PHF8: variants seen among roughly 807,000 people sequenced by gnomAD.
The protein encoded by PHF8 is PHD finger protein 8.
PHF8 carries 9 observed loss-of-function variants against 74.4 expected under a neutral mutation model. The ratio of observed to expected loss-of-function variants is 0.12; its 90% CI spans 0.07 to 0.21. PHF8 has a LOEUF of 0.21. PHF8 is among the 10% of genes least tolerant of loss of function. The probability of loss-of-function intolerance (pLI) is 1.00; values close to 1 mark genes in which losing one functional copy is unlikely to be tolerated. For missense variants in PHF8, 478 were observed against 816.6 expected (o/e 0.59, Z 5.05); for synonymous variants, 311 against 316.6 (o/e 0.98, Z 0.19).
chrX:53,952,584 T>G (rs2064942275), intron 19 of PHF8, among the ~76,000 whole-genome samples: 1 of 111,458 alleles, frequency 9.0e-6, no homozygotes, highest in Non-Finnish European at 1.9e-5. Context: ...TGTGTAGTAC[T>G]GAAATTAAGT....
chrX:53,998,314 C>G (rs1197587404), intron 11 of PHF8, among the ~76,000 whole-genome samples: 1 of 109,666 alleles, frequency 9.1e-6, no homozygotes, highest in Non-Finnish European at 1.9e-5. Context: ...ATTAGCCAGG[C>G]GTGGTGGCAC....
intron 2 of PHF8, among the ~76,000 whole-genome samples, chrX:54,041,583 A>G (rs1173350226): frequency 1.8e-5 from 2 of 110,495 alleles, no homozygotes; most frequent in Non-Finnish European, 3.8e-5. Context: ...TTAATGAAAT[A>G]TTAGTTTTAT....
chrX:53,945,323 C>T (rs1362648731), intron 19 of PHF8, among the ~76,000 whole-genome samples: 8 of 100,023 alleles, frequency 8.0e-5, no homozygotes, highest in Non-Finnish European at 1.4e-4. Flanking sequence ...CCAGCCTGGG[C>T]GACACAGCAA....
At chrX:53,996,572 C>CT (rs1240607163) in intron 11 of PHF8, among the ~76,000 whole-genome samples, 3 of 110,972 alleles carry the variant, frequency 2.7e-5, no homozygotes, top group Non-Finnish European at 5.7e-5. Context: ...GAGACAGAGT[C>CT]TTACTCTGCC....
chrX:53,950,428 C>T (rs1177442015), intron 19 of PHF8, among the ~76,000 whole-genome samples: 1 of 112,802 alleles, frequency 8.9e-6, no homozygotes, highest in Admixed American at 9.4e-5. Flanking sequence ...GACAAGTTCT[C>T]ACGCATTTCT....
chrX:53,972,426 C>T (rs782052822), intron 18 of PHF8, among the ~76,000 whole-genome samples: 197 of 110,065 alleles, frequency 1.8e-3, no homozygotes, highest in African/African-American at 6.1e-3. Context: ...CTGAATCCAG[C>T]AGCACATCTA....
At chrX:53,984,311 A>T (rs1362342127) in intron 18 of PHF8, among the ~76,000 whole-genome samples, 1 of 112,000 alleles carries the variant, frequency 8.9e-6, no homozygotes, top group Non-Finnish European at 1.9e-5. Flanking sequence ...GGTGGCAGTG[A>T]GCTGAGATGG....
intron 2 of PHF8, among the ~76,000 whole-genome samples, chrX:54,031,626 CCT>C (rs782583280): frequency 1.4e-4 from 15 of 110,160 alleles, no homozygotes; most frequent in African/African-American, 3.9e-4. Context: ...TTTGTGATCC[CCT>C]CAGTCTCTGC....
intron 19 of PHF8, among the ~76,000 whole-genome samples, chrX:53,958,457 A>T (rs1178852812): frequency 9.2e-6 from 1 of 108,473 alleles, no homozygotes; most frequent in Non-Finnish European, 1.9e-5. Context: ...ATTTGCTTGT[A>T]TATGTGCAAA....
chrX:53,992,980 C>A, intron 13 of PHF8, 141 bp from the exon 14 acceptor site: 2 of 500,983 alleles, frequency 4.0e-6, no homozygotes, highest in Non-Finnish European at 7.2e-6. Context: ...TCCCCCCATA[C>A]CCCCACTGAT....
At chrX:53,944,496 G>A (rs2064801511) in intron 19 of PHF8, 1 of 363,516 alleles carries the variant, frequency 2.8e-6, no homozygotes, top group Non-Finnish European at 4.9e-6. Context: ...GGCTGGGCAT[G>A]ATGGTTCATG....
At chrX:54,011,490 T>A (rs2065980360) in intron 7 of PHF8, among the ~76,000 whole-genome samples, 1 of 112,483 alleles carries the variant, frequency 8.9e-6, no homozygotes, top group South Asian at 3.7e-4. Context: ...TAAGTTTCTA[T>A]AAACTTGACA....
chrX:53,940,263 C>A lies in PHF8; in HGVS notation c.2903G>T (p.Arg968Leu). Reference protein sequence around the residue: ...PNAFGMAQANRSTTPMAPGVF... With the variant: ...PNAFGMAQANLSTTPMAPGVF... ...ACCGGGGGCCATAGGTGTGGTGCTG[C>A]GGTTTGCCTGGGCCATGCCAAAGGC... Residue 968 changes from arginine (R) to leucine (L), a missense_variant, in exon 21 of 22, where the codon CGC becomes CTC. This residue lies in a region of PHF8 where 75 missense variants were observed against 93.3 expected (regional missense o/e 0.80). Coordinates refer to ENST00000338154, the MANE Select transcript of PHF8 (RefSeq NM_015107.3). 2 of 1,200,782 alleles carry A rather than the reference C, an allele frequency of 1.7e-6. No homozygotes were observed. Among genetic ancestry groups the A allele is most frequent in the Non-Finnish European group, 2.2e-6 (2 of 889,729 alleles).
In PHF8 at chrX:54,044,123, C is replaced by T. The variant is rs891813192; in HGVS notation, c.-454G>A. ...CTCCTCCACAACATTCCCCTCGGCC[C>T]GGCCGTTCGGGCCTACTGGAGACCG... On this transcript the variant is annotated 5_prime_UTR_variant, in exon 1 of 22. Coordinates refer to ENST00000338154, the MANE Select transcript of PHF8 (RefSeq NM_015107.3). The T allele has an allele frequency of 1.3e-4, 97 of 754,324 alleles. No individual in the cohort carries two copies. The highest frequency in any genetic ancestry group is 1.5e-4 in the Non-Finnish European group (96 of 639,341). The allele number at this position is 754,324 out of a possible 1,213,427, so 62.2% of individuals were successfully genotyped here. A position where few individuals can be genotyped will look rare whatever the true frequency, so the allele number is the denominator to read the frequency against.
At chrX:53,988,800 G>C (rs1464215327) in intron 14 of PHF8, among the ~76,000 whole-genome samples, 1 of 107,167 alleles carries the variant, frequency 9.3e-6, no homozygotes, top group African/African-American at 3.4e-5. Flanking sequence ...AATTTCATAA[G>C]AGAGTAGACC....
chrX:53,960,101 A>T (rs1184437140), intron 19 of PHF8, among the ~76,000 whole-genome samples: 2 of 108,709 alleles, frequency 1.8e-5, no homozygotes, highest in South Asian at 4.1e-4. Flanking sequence ...TGAGAGACAG[A>T]GTCTCGCTCT....
chrX:53,984,404 T>TTGTA (rs1271029061), intron 18 of PHF8, among the ~76,000 whole-genome samples: 5 of 111,860 alleles, frequency 4.5e-5, no homozygotes, highest in Admixed American at 9.5e-5. Flanking sequence ...AGCACTTACA[T>TTGTA]TATACAGTCA....
intron 18 of PHF8, among the ~76,000 whole-genome samples, chrX:53,979,356 T>C (rs939113300): frequency 9.0e-6 from 1 of 111,490 alleles, no homozygotes; most frequent in African/African-American, 3.3e-5. Context: ...CACCCCAGCC[T>C]GGGTGACAGA....
intron 18 of PHF8, among the ~76,000 whole-genome samples, chrX:53,964,273 A>G (rs1557091755): frequency 1.8e-5 from 2 of 111,063 alleles, no homozygotes; most frequent in Non-Finnish European, 3.8e-5. Context: ...TAGGAGAAAT[A>G]CCTAATGTAG....
Sources: gnomAD v4.1 joint callset for allele counts (sites outside exome capture counted in the v4.1 genomes callset) on GRCh38, gnomAD v4.1.1 for gene constraint, gnomAD v4.1.1 regional missense constraint, MANE v1.5 for transcripts, NCBI Gene and HGNC (gene_info 2026-07-23, HGNC 2026-07-21) for gene names.